The following URB1 variants were observed in gnomAD, a reference collection of about 807,000 sequenced individuals.
The protein encoded by URB1 is nucleolar pre-ribosomal-associated protein 1.
In URB1, 197 loss-of-function variants were observed where a neutral mutation model predicts 242.3. That is an observed-to-expected ratio of 0.81 (90% CI 0.72 to 0.91). The LOEUF (loss-of-function observed/expected upper bound fraction) is 0.91. Ranked by LOEUF, URB1 falls within the 40% of genes least tolerant of loss-of-function variation. The probability of loss-of-function intolerance (pLI) is 0.00; values close to 1 mark genes in which losing one functional copy is unlikely to be tolerated. For missense variants in URB1, 2,721 were observed against 2,860.5 expected (o/e 0.95, Z 1.11); for synonymous variants, 1,153 against 1,201.8 (o/e 0.96, Z 0.84).
chr21:32,384,165 A>G, intron 3 of URB1, 148 bp downstream of exon 3: 1 of 999,728 alleles, frequency 1.0e-6, no homozygotes, highest in Non-Finnish European at 1.4e-6. Flanking sequence ...TCCACAAAGG[A>G]AGGGGGCAGA....
rs1028126086 is a variant in URB1, at chr21:32,354,977, C to T, written c.2127G>A (p.Ala709=). The T allele has an allele frequency of 1.0e-5, 16 of 1,550,662 alleles. No homozygotes were observed. The highest frequency in any genetic ancestry group is 1.4e-5 in the Non-Finnish European group (16 of 1,146,048). The part of the protein sequence containing the change: ...FLERILLTLV[A]NPYSYTDKAS... ...CTTTGTCTGTGTATGAATAGGGATT[C>T]GCCACCAATGTCAATAAAATCTGGG... The change falls in exon 17 of 39, where the codon GCG becomes GCA. Residue 709 remains alanine (A), a synonymous_variant. Coordinates refer to ENST00000382751, the MANE Select transcript of URB1 (RefSeq NM_014825.3).
At chr21:32,318,906 C>T (rs569437512) in intron 36 of URB1, among the ~76,000 whole-genome samples, 3 of 152,174 alleles carry the variant, frequency 2.0e-5, no homozygotes, top group African/African-American at 7.2e-5. Flanking sequence ...ATCACAGTAT[C>T]AAGGCAGATG....
chr21:32,314,581 AG>A lies in URB1; in HGVS notation c.*336del. 6.2e-7 allele frequency: 1 copy of A among 1,614,210 alleles called. No individual in the cohort carries two copies. The highest frequency in any genetic ancestry group is 2.2e-5 in the East Asian group (1 of 44,878). Reference sequence around the variant, plus strand: ...ACACAGATGAATCTCTTCTGCATTCAGAAGTGCTGCCTCAAACTCGAGCTAT... The same window carrying A: ...ACACAGATGAATCTCTTCTGCATTCAAAGTGCTGCCTCAAACTCGAGCTAT... On this transcript the variant is annotated 3_prime_UTR_variant, in exon 39 of 39. Transcript: ENST00000382751.
intron 15 of URB1, among the ~76,000 whole-genome samples, chr21:32,356,261 GCA>G (rs2123592220): frequency 1.3e-5 from 2 of 152,228 alleles, no homozygotes; most frequent in South Asian, 2.1e-4. Context: ...GTGGTGGTGC[GCA>G]CACATGTGGC....
chr21:32,317,686 C>T lies in URB1; in HGVS notation c.6024G>A (p.Arg2008=). The change falls in exon 37 of 39, where the codon CGG becomes CGA. Residue 2008 remains arginine, a synonymous_variant. Coordinates refer to ENST00000382751, the MANE Select transcript of URB1 (RefSeq NM_014825.3). ...LRAAIEKAQA[R]ELMKMLKDKN... ...GGTTCTGACACTCACTCATGAGCTCCCGGGCTTGGGCCTTCTCAATGGCTG... is the reference window on the plus strand; with the variant it reads ...GGTTCTGACACTCACTCATGAGCTCTCGGGCTTGGGCCTTCTCAATGGCTG... The T allele has an allele frequency of 6.4e-7, 1 of 1,551,740 alleles. No individual in the cohort carries two copies. The highest frequency in any genetic ancestry group is 8.7e-7 in the Non-Finnish European group (1 of 1,146,978).
chr21:32,315,693 G>C (rs1027503131), intron 38 of URB1, among the ~76,000 whole-genome samples: 4 of 152,232 alleles, frequency 2.6e-5, no homozygotes, highest in Non-Finnish European at 4.4e-5. Context: ...GAATGACAAT[G>C]AAATTTGAGA....
rs977738585 is a variant in URB1, at chr21:32,337,243, G to A, written c.4622-86C>T. The A allele has an allele frequency of 1.5e-4, 216 of 1,435,982 alleles. No homozygotes were observed. In the Middle Eastern group the frequency reaches 3.5e-3, roughly 23 times the overall value. 89.0% of individuals were successfully genotyped at this position (1,435,982 alleles called of 1,614,324 possible). A position where few individuals can be genotyped will look rare whatever the true frequency, so the allele number is the denominator to read the frequency against. On this transcript the variant is annotated intron_variant, in intron 27 of 38. Coordinates refer to ENST00000382751, the MANE Select transcript of URB1 (RefSeq NM_014825.3). ...CACCACCTGCCCTCATACCCTCCCT[G>A]CTCAAATGGCCCGGTCCTCATATCT...
rs1394924730 is a variant in URB1, at chr21:32,322,564, C to A, written c.5254G>T (p.Val1752Phe). The change falls in exon 33 of 39, where the codon GTC becomes TTC. Residue 1752 changes from valine to phenylalanine, a missense_variant. Physicochemically the swap from Val to Phe is conservative, Grantham distance 50. Transcript: ENST00000382751. Reference sequence around the variant, plus strand: ...TCATGCGACAGCAGGAAGTTGCTGACCTTCAGGTACATGTGCTCCTCTGAG... The same window carrying A: ...TCATGCGACAGCAGGAAGTTGCTGAACTTCAGGTACATGTGCTCCTCTGAG... ...LKPEEHMYLK[V>F]SNFLLSHEYL... 5 of 1,551,964 alleles carry A rather than the reference C, an allele frequency of 3.2e-6. No homozygotes were observed. Among genetic ancestry groups the A allele is most frequent in the Non-Finnish European group, 4.4e-6 (5 of 1,147,046 alleles).
chr21:32,320,649 C>T lies in URB1; in HGVS notation c.5485-9G>A. On this transcript the variant is annotated splice_polypyrimidine_tract_variant and intron_variant, in intron 34 of 38. Transcript: ENST00000382751. ...ATTTCCAGAATCCAATTCTGAAAAC[C>T]CCAAACAAGAAGTTACTCTTCAGTG... The T allele has an allele frequency of 6.5e-7, 1 of 1,542,388 alleles. No individual in the cohort carries two copies.
In URB1 at chr21:32,320,652, A is replaced by G; in HGVS notation, c.5485-12T>C. 1 of 1,540,026 alleles carries G rather than the reference A, an allele frequency of 6.5e-7. No homozygotes were observed. Among genetic ancestry groups the G allele is most frequent in the Non-Finnish European group, 8.8e-7 (1 of 1,137,672 alleles). ...TCCAGAATCCAATTCTGAAAACCCC[A>G]AACAAGAAGTTACTCTTCAGTGAGA... On this transcript the variant is annotated splice_polypyrimidine_tract_variant and intron_variant, in intron 34 of 38. Transcript: ENST00000382751.
At chr21:32,333,055 A>G (rs1216882620) in intron 30 of URB1, 1 of 438,044 alleles carries the variant, frequency 2.3e-6, no homozygotes, top group Non-Finnish European at 4.1e-6. Flanking sequence ...ATTAGGAATT[A>G]GGAAAACATC....
intron 19 of URB1, among the ~76,000 whole-genome samples, 162 bp downstream of exon 19, chr21:32,352,548 G>A (rs1392734554): frequency 6.6e-6 from 1 of 152,200 alleles, no homozygotes; most frequent in Non-Finnish European, 1.5e-5. Context: ...TGAGCACCAG[G>A]GATACTACTT....
intron 4 of URB1, among the ~76,000 whole-genome samples, chr21:32,382,496 T>C (rs901431161): frequency 5.9e-5 from 9 of 152,156 alleles, no homozygotes; most frequent in African/African-American, 1.9e-4. Context: ...ATCAACCCTT[T>C]AGTCCAATTC....
rs1219820275 is a variant in URB1 at position 32,373,563 on chromosome 21, T to C, written c.876+84A>G. The C allele has an allele frequency of 3.6e-6, 5 of 1,405,172 alleles. No homozygotes were observed. In the African/African-American group the frequency reaches 7.4e-5, roughly 21 times the overall value. 87.0% of individuals were successfully genotyped at this position (1,405,172 alleles called of 1,614,324 possible). A position where few individuals can be genotyped will look rare whatever the true frequency, so the allele number is the denominator to read the frequency against. ...TCAAATGAGGGGACTTCAAGTCTGG[T>C]GCGGTGTTGAGAATTCTCCCTCTCC... On this transcript the variant is annotated intron_variant, in intron 7 of 38. Transcript: ENST00000382751.
At chr21:32,369,975 CAAAA>C (rs34377037) in intron 8 of URB1, among the ~76,000 whole-genome samples, 1 of 88,550 alleles carries the variant, frequency 1.1e-5, no homozygotes, top group Non-Finnish European at 2.4e-5. Context: ...GTCTCCATCT[CAAAA>C]AAAAAAAAAA....
chr21:32,327,803 A>C (rs2032847127), intron 30 of URB1, among the ~76,000 whole-genome samples: 1 of 152,214 alleles, frequency 6.6e-6, no homozygotes. Flanking sequence ...TCACTTGAAG[A>C]TAAACTATAA....
intron 5 of URB1, among the ~76,000 whole-genome samples, chr21:32,378,197 G>A (rs778184550): frequency 6.6e-6 from 1 of 152,148 alleles, no homozygotes; most frequent in Non-Finnish European, 1.5e-5. Flanking sequence ...TTTATCCTCT[G>A]TGACGGCATT....
chr21:32,354,020 T>C lies in URB1; in HGVS notation c.2329A>G (p.Ile777Val). ...GCACTGAATGGGAACGTGAGCAGGATCATGTCTTCACTCAACGTGAACCCT... is the reference window on the plus strand; with the variant it reads ...GCACTGAATGGGAACGTGAGCAGGACCATGTCTTCACTCAACGTGAACCCT... ...EIGFTLSEDM[I>V]LLTFPFSAVV... is the part of the protein sequence containing the mutation. Residue 777 changes from isoleucine (I) to valine (V), a missense_variant, in exon 18 of 39, where the codon ATC becomes GTC. Physicochemically the swap from Ile to Val is conservative, Grantham distance 29. Coordinates refer to ENST00000382751, the MANE Select transcript of URB1 (RefSeq NM_014825.3). 4 of 1,551,730 alleles carry C rather than the reference T, an allele frequency of 2.6e-6. No individual in the cohort carries two copies. The South Asian group carries it at 4.8e-5, about 18-fold the overall frequency.
intron 5 of URB1, among the ~76,000 whole-genome samples, chr21:32,377,688 T>C (rs1278393069): frequency 1.3e-5 from 2 of 152,050 alleles, no homozygotes; most frequent in Admixed American, 1.3e-4. Flanking sequence ...GTCCCGGCAG[T>C]CACGTTCCAG....
Sources: allele counts gnomAD v4.1 joint callset (sites outside exome capture counted in the v4.1 genomes callset), GRCh38; gene constraint gnomAD v4.1.1; transcripts MANE v1.5; gene names NCBI Gene and HGNC (gene_info 2026-07-23, HGNC 2026-07-21).